Variants in PAH observed in about 807,000 individuals in gnomAD.
The protein encoded by PAH is phenylalanine-4-hydroxylase.
PAH carries 64 observed loss-of-function variants against 62.0 expected under a neutral mutation model. The observed-to-expected ratio is 1.03, with a 90% CI of 0.84 to 1.27. The LOEUF is 1.27. Among genes scored for constraint, PAH ranks in the 50% most tolerant of loss-of-function variants. The probability of loss-of-function intolerance (pLI) is 0.00; values close to 1 mark genes in which losing one functional copy is unlikely to be tolerated. For missense variants in PAH, 579 were observed against 542.8 expected (o/e 1.07, Z -0.66); for synonymous variants, 195 against 196.2 (o/e 0.99, Z 0.05).
chr12:102,865,761 G>A (rs1223018360), intron 5 of PAH, among the ~76,000 whole-genome samples: 2 of 152,106 alleles, frequency 1.3e-5, no homozygotes, highest in African/African-American at 4.8e-5. Flanking sequence ...TTTTTCCGGA[G>A]GTTTTTCCAT....
At chr12:102,882,676 A>ATATATATAT (rs1491411932) in intron 3 of PAH, among the ~76,000 whole-genome samples, 12 of 33,352 alleles carry the variant, frequency 3.6e-4, no homozygotes, top group Admixed American at 8.2e-4. Flanking sequence ...ATATATATAT[A>ATATATATAT]AAATTTTTTT....
At chr12:102,933,709 C>T (rs767391392) in intron 1 of PAH, among the ~76,000 whole-genome samples, 18 of 152,182 alleles carry the variant, frequency 1.2e-4, no homozygotes, top group Non-Finnish European at 2.2e-4. Flanking sequence ...ATATCAAGCA[C>T]GTTTTCATAT....
Position 102,843,668 on chromosome 12 carries a change from T to G in PAH, c.1177A>C (p.Asn393His), listed in dbSNP as rs761487922. 4 of 1,613,818 alleles carry G rather than the reference T, an allele frequency of 2.5e-6. No homozygotes were observed. Among genetic ancestry groups the G allele is most frequent in the Non-Finnish European group, 3.4e-6 (4 of 1,179,826 alleles). Residue 393 changes from asparagine (N) to histidine (H), a missense_variant, in exon 11 of 13, where the codon AAT (asparagine) becomes CAT (histidine). Coordinates refer to ENST00000553106, the MANE Select transcript of PAH (RefSeq NM_000277.3). ...QPLYYVAESF[N>H]DAKEKVRNFA... ...CACCTTACTTTCTCCTTGGCATCAT[T>G]AAAACTCTCTGCCACGTAATAGAGG... is the stretch of plus-strand genomic sequence containing the variant.
chr12:102,912,636 T>C (rs906543823), intron 2 of PAH, among the ~76,000 whole-genome samples, 155 bp downstream of exon 2: 2 of 152,164 alleles, frequency 1.3e-5, no homozygotes, highest in Non-Finnish European at 2.9e-5. Context: ...TTGAATGACT[T>C]AACTAAGGTC....
chr12:102,887,988 A>C (rs950422557), intron 3 of PAH, among the ~76,000 whole-genome samples: 1 of 152,164 alleles, frequency 6.6e-6, no homozygotes, highest in Non-Finnish European at 1.5e-5. Flanking sequence ...AAATTTTTCT[A>C]CCTTTCACAA....
chr12:102,938,863 C>CA (rs755679656), intron 1 of PAH, among the ~76,000 whole-genome samples: 2 of 152,158 alleles, frequency 1.3e-5, no homozygotes, highest in Non-Finnish European at 2.9e-5. Flanking sequence ...CAGGGCCTCC[C>CA]AACCTGGGCT....
At chr12:102,864,921 G>A (rs1875886667) in intron 5 of PAH, among the ~76,000 whole-genome samples, 1 of 152,010 alleles carries the variant, frequency 6.6e-6, no homozygotes, top group South Asian at 2.1e-4. Context: ...ATAAAGTCAA[G>A]TCTGAAATAG....
rs1182277046 is a variant in PAH, at chr12:102,868,126, G to GTATA, written c.442-1467_442-1464dup. On this transcript the variant is annotated intron_variant, in intron 4 of 12. Coordinates refer to ENST00000553106, the MANE Select transcript of PAH (RefSeq NM_000277.3). ...TATACACATATATATACATATATGT[G>GTATA]TATATATATATATATATATATATAT... Among the ~76,000 whole-genome samples the GTATA allele has an allele frequency of 7.8e-3, 50 of 6,440 alleles. 6 individuals carry two copies. The highest frequency in any genetic ancestry group is 0.02 in the Non-Finnish European group (42 of 2,090). The allele number at this position is 6,440 out of a possible 152,430, so 4.2% of individuals were successfully genotyped here. A position where few individuals can be genotyped will look rare whatever the true frequency, so the allele number is the denominator to read the frequency against.
intron 5 of PAH, among the ~76,000 whole-genome samples, chr12:102,859,123 T>C (rs907521026): frequency 6.6e-6 from 1 of 151,614 alleles, no homozygotes; most frequent in Admixed American, 6.6e-5. Flanking sequence ...ATAGACACAA[T>C]AAAAAATGAT....
chr12:102,870,967 T>C (rs1481423119), intron 4 of PAH, among the ~76,000 whole-genome samples: 5 of 152,168 alleles, frequency 3.3e-5, no homozygotes. Flanking sequence ...TCTCTCTTCC[T>C]TCACATCCAG....
intron 1 of PAH, among the ~76,000 whole-genome samples, chr12:102,913,645 T>G (rs1465742817): frequency 6.6e-6 from 1 of 152,180 alleles, no homozygotes; most frequent in Non-Finnish European, 1.5e-5. Context: ...TTGGCAAAGA[T>G]CTCAGGAAGC....
chr12:102,838,902 C>A lies in PAH; in HGVS notation c.*273G>T. ...AATTTTAATTAATCTTGATGAAATGCGACAGATTACTGATTTAACTCAATT... is the reference window on the plus strand; with the variant it reads ...AATTTTAATTAATCTTGATGAAATGAGACAGATTACTGATTTAACTCAATT... On this transcript the variant is annotated 3_prime_UTR_variant, in exon 13 of 13. Coordinates refer to ENST00000553106, the MANE Select transcript of PAH (RefSeq NM_000277.3). The A allele has an allele frequency of 2.0e-6, 1 of 490,028 alleles. No individual in the cohort carries two copies. Among genetic ancestry groups the A allele is most frequent in the Non-Finnish European group, 3.7e-6 (1 of 273,282 alleles). The allele number at this position is 490,028 out of a possible 1,614,324, so 30.4% of individuals were successfully genotyped here.
chr12:102,855,292 T>G lies in PAH; in HGVS notation c.550A>C (p.Lys184Gln), dbSNP rs1311748050. The change falls in exon 6 of 13, where the codon AAG becomes CAG. Residue 184 changes from lysine (K) to glutamine (Q), a missense_variant. Physicochemically the swap from Lys to Gln is moderately conservative, Grantham distance 53. Coordinates refer to ENST00000553106, the MANE Select transcript of PAH (RefSeq NM_000277.3). Reference sequence around the variant, plus strand: ...TTGAACACTGTGCCCCATGTTTTCTTTTCTTCCTCCATGTATTCCACTCGA... The same window carrying G: ...TTGAACACTGTGCCCCATGTTTTCTGTTCTTCCTCCATGTATTCCACTCGA... ...IPRVEYMEEEKKTWGTVFKTL... is the reference protein window; with the variant it reads ...IPRVEYMEEEQKTWGTVFKTL... The G allele has an allele frequency of 6.2e-7, 1 of 1,614,158 alleles. No individual in the cohort carries two copies. Among genetic ancestry groups the G allele is most frequent in the Admixed American group, 1.7e-5 (1 of 60,004 alleles).
At chr12:102,854,202 C>G (rs1161349377) in intron 6 of PAH, among the ~76,000 whole-genome samples, 5 of 152,144 alleles carry the variant, frequency 3.3e-5, no homozygotes, top group Admixed American at 6.5e-5. Flanking sequence ...GGTCATCTAA[C>G]TCACCCCCAA....
At chr12:102,918,644 T>C (rs1012344369), upstream of PAH, among the ~76,000 whole-genome samples, 13 of 151,916 alleles carry the variant, frequency 8.6e-5, no homozygotes, top group African/African-American at 3.1e-4. Flanking sequence ...TAAGCCTTTA[T>C]GATGTGCCAG....
At chr12:102,882,821 C>T (rs1015234306) in intron 3 of PAH, among the ~76,000 whole-genome samples, 2 of 151,852 alleles carry the variant, frequency 1.3e-5, no homozygotes, top group African/African-American at 4.8e-5. Context: ...TCCTTATTCA[C>T]AAAATGAATT....
intron 1 of PAH, among the ~76,000 whole-genome samples, chr12:102,936,210 T>A (rs1879093719): frequency 6.6e-6 from 1 of 152,132 alleles, no homozygotes; most frequent in Non-Finnish European, 1.5e-5. Flanking sequence ...CCTCCTGTTA[T>A]TGATTTCTAG....
intron 3 of PAH, among the ~76,000 whole-genome samples, chr12:102,883,475 G>A (rs1365250544): frequency 6.6e-6 from 1 of 152,190 alleles, no homozygotes; most frequent in African/African-American, 2.4e-5. Flanking sequence ...GGGCCACCTG[G>A]CTTCATTCAG....
intron 1 of PAH, among the ~76,000 whole-genome samples, chr12:102,929,662 G>A (rs1522302): frequency 0.094 from 14,316 of 152,156 alleles, 777 homozygotes; most frequent in African/African-American, 0.14. Context: ...GGAGGGTATC[G>A]AAAGCAGCTA....
Sources: allele counts gnomAD v4.1 joint callset (sites outside exome capture counted in the v4.1 genomes callset), GRCh38; gene constraint gnomAD v4.1.1; transcripts MANE v1.5; gene names NCBI Gene and HGNC (gene_info 2026-07-23, HGNC 2026-07-21).